Variants in BCL7A observed in about 807,000 individuals in gnomAD.
BCL7A encodes the protein BAF chromatin remodeling complex subunit BCL7A, also known as B-cell CLL/lymphoma 7 protein family member A.
Under a neutral mutation model 28.4 loss-of-function variants are expected in BCL7A, and 11 were observed. The observed-to-expected ratio is 0.39, with a 90% CI of 0.24 to 0.64. The LOEUF (loss-of-function observed/expected upper bound fraction) is 0.64. BCL7A is among the 30% of genes least tolerant of loss of function. The pLI is 0.50. For synonymous variants in BCL7A, 123 were observed against 103.3 expected, an observed-to-expected ratio of 1.19 and a Z score of -1.15; for missense variants, 222 against 274.8, an observed-to-expected ratio of 0.81 and a Z score of 1.36.
intron 1 of BCL7A, among the ~76,000 whole-genome samples, chr12:122,025,965 A>AT: frequency 6.7e-6 from 1 of 149,714 alleles, no homozygotes; most frequent in Non-Finnish European, 1.5e-5. Flanking sequence ...AAAAAAAAAA[A>AT]AAAGAAGAAA....
intron 1 of BCL7A, among the ~76,000 whole-genome samples, chr12:122,027,402 T>G (rs1883651141): frequency 6.6e-6 from 1 of 152,140 alleles, no homozygotes; most frequent in African/African-American, 2.4e-5. Context: ...GGCCCATGTG[T>G]GGTGGCTCAC....
At chr12:122,058,424 C>T (rs1306794746) in intron 5 of BCL7A, among the ~76,000 whole-genome samples, 4 of 150,790 alleles carry the variant, frequency 2.7e-5, no homozygotes, top group African/African-American at 9.8e-5. Context: ...TCTGGGAGGC[C>T]GAGGTGGGCA....
intron 3 of BCL7A, among the ~76,000 whole-genome samples, chr12:122,037,710 G>A (rs1228678632): frequency 6.6e-6 from 1 of 152,154 alleles, no homozygotes; most frequent in Non-Finnish European, 1.5e-5. Context: ...ACTTTGGGAG[G>A]CTGAGGTGGG....
chr12:122,036,460 T>A (rs1275694287), intron 3 of BCL7A, among the ~76,000 whole-genome samples: 1 of 152,132 alleles, frequency 6.6e-6, no homozygotes, highest in African/African-American at 2.4e-5. Flanking sequence ...ATCAACCAAA[T>A]CCAGATGGTG....
intron 4 of BCL7A, 88 bp from the exon 5 acceptor site, chr12:122,054,717 C>G: frequency 7.3e-7 from 1 of 1,363,844 alleles, no homozygotes; most frequent in Non-Finnish European, 1.0e-6. Context: ...CAAAACTACC[C>G]GATTCAAGGT....
At chr12:122,026,858 C>T (rs1277847832) in intron 1 of BCL7A, among the ~76,000 whole-genome samples, 2 of 151,452 alleles carry the variant, frequency 1.3e-5, no homozygotes, top group African/African-American at 4.9e-5. Context: ...GGAGAACATT[C>T]GAAATTGGCC....
In BCL7A at chr12:122,032,397, C is replaced by G. The variant is rs538224228; in HGVS notation, c.174+1616C>G. Among the ~76,000 whole-genome samples, 32 of 152,318 alleles carry G rather than the reference C, an allele frequency of 2.1e-4. 1 individual carries two copies. In the South Asian group the frequency reaches 6.6e-3, roughly 32 times the overall value. ...CTCCGGCCCATGTCTGTGCCTTGCC[C>G]GCCATTAGGTGTAGAAATGCTGGTT... On this transcript the variant is annotated intron_variant, in intron 2 of 5. Transcript: ENST00000261822.
In BCL7A at chr12:122,060,528, C is replaced by G. The variant is rs1256604255; in HGVS notation, c.*1365C>G. ...GGACGAACTGCCTAATCGTTTGGTT[C>G]TGAGGCCTGGTTTGCTCTTAATTAA... On this transcript the variant is annotated 3_prime_UTR_variant, in exon 6 of 6. Transcript: ENST00000261822. The G allele has an allele frequency of 4.3e-6, 1 of 230,506 alleles. No homozygotes were observed. Among genetic ancestry groups the G allele is most frequent in the African/African-American group, 2.2e-5 (1 of 45,144 alleles). 14.3% of individuals were successfully genotyped at this position (230,506 alleles called of 1,614,324 possible). A position where few individuals can be genotyped will look rare whatever the true frequency, so the allele number is the denominator to read the frequency against.
rs1373913787 is a variant in BCL7A at position 122,060,027 on chromosome 12, C to G, written c.*864C>G. 5 of 233,444 alleles carry G rather than the reference C, an allele frequency of 2.1e-5. No individual in the cohort carries two copies. The highest frequency in any genetic ancestry group is 4.4e-5 in the African/African-American group (2 of 45,314). The allele number at this position is 233,444 out of a possible 1,614,324, so 14.5% of individuals were successfully genotyped here. A position where few individuals can be genotyped will look rare whatever the true frequency, so the allele number is the denominator to read the frequency against. ...CACCACCCCCATCACTGCTTTCTCC[C>G]AGACCTCCGAATACGAAATGGCTTC... On this transcript the variant is annotated 3_prime_UTR_variant, in exon 6 of 6. Coordinates refer to ENST00000261822, the MANE Select transcript of BCL7A (RefSeq NM_001024808.3).
In BCL7A at chr12:122,054,945, CAGAG is replaced by C; in HGVS notation, c.561+20_561+23del. ...CTCTCAGGTACCTCGCTCGAGGTCTCAGAGGGGCAGCCAGATCGGCCGGGAGCCC... is the reference window on the plus strand; with the variant it reads ...CTCTCAGGTACCTCGCTCGAGGTCTCGGGCAGCCAGATCGGCCGGGAGCCC... On this transcript the variant is annotated intron_variant, in intron 5 of 5. Coordinates refer to ENST00000261822, the MANE Select transcript of BCL7A (RefSeq NM_001024808.3). 1 of 1,614,164 alleles carries C rather than the reference CAGAG, an allele frequency of 6.2e-7. No homozygotes were observed. Among genetic ancestry groups the C allele is most frequent in the Non-Finnish European group, 8.5e-7 (1 of 1,180,026 alleles).
At chr12:122,054,674 C>T in intron 4 of BCL7A, 131 bp from the exon 5 acceptor site, 1 of 878,766 alleles carries the variant, frequency 1.1e-6, no homozygotes, top group Middle Eastern at 2.7e-4. Flanking sequence ...TCCAGCCCCC[C>T]AGCTCATTGT....
intron 1 of BCL7A, among the ~76,000 whole-genome samples, chr12:122,026,175 G>A (rs1447955635): frequency 6.7e-6 from 1 of 150,134 alleles, no homozygotes; most frequent in African/African-American, 2.5e-5. Flanking sequence ...GATGAGGCAG[G>A]AGAATGGCAT....
At position 122,021,965 on chromosome 12, in the gene BCL7A, TGC is replaced by T. The variant is rs1405111675; in HGVS notation, c.-125_-124del. 10 of 645,396 alleles carry T rather than the reference TGC, an allele frequency of 1.5e-5. No individual in the cohort carries two copies. Among genetic ancestry groups the T allele is most frequent in the Non-Finnish European group, 2.4e-5 (9 of 368,544 alleles). 40.0% of individuals were successfully genotyped at this position (645,396 alleles called of 1,614,324 possible). ...GTGTGTGTGTGTGTGTGTGAGTGTGTGCGTGTGAGAGTGCGAGTGTCTGTGCG... is the reference window on the plus strand; with the variant it reads ...GTGTGTGTGTGTGTGTGTGAGTGTGTGTGTGAGAGTGCGAGTGTCTGTGCG... On this transcript the variant is annotated 5_prime_UTR_variant, in exon 1 of 6. Transcript: ENST00000261822.
chr12:122,024,241 T>C (rs1883558556), intron 1 of BCL7A, among the ~76,000 whole-genome samples: 2 of 152,316 alleles, frequency 1.3e-5, no homozygotes, highest in South Asian at 2.1e-4. Context: ...TGGTCCAGCT[T>C]CCAGTTCACT....
intron 3 of BCL7A, 68 bp downstream of exon 3, chr12:122,035,495 T>C (rs1883832661): frequency 7.0e-7 from 1 of 1,432,928 alleles, no homozygotes; most frequent in Admixed American, 1.8e-5. Flanking sequence ...TCGGTCATGT[T>C]TTTGTTTCTC....
intron 4 of BCL7A, among the ~76,000 whole-genome samples, chr12:122,044,876 C>G (rs1328748632): frequency 6.6e-6 from 1 of 151,968 alleles, no homozygotes; most frequent in Non-Finnish European, 1.5e-5. Context: ...ATCAGACAAC[C>G]TAGTATTAGG....
At chr12:122,048,021 AG>A (rs1884112227) in intron 4 of BCL7A, among the ~76,000 whole-genome samples, 1 of 148,122 alleles carries the variant, frequency 6.8e-6, no homozygotes, top group African/African-American at 2.5e-5. Context: ...CTCCTGCCTC[AG>A]CCTCCAGAGT....
intron 1 of BCL7A, among the ~76,000 whole-genome samples, chr12:122,023,390 G>A (rs1330566490): frequency 3.3e-5 from 5 of 152,164 alleles, no homozygotes; most frequent in Non-Finnish European, 5.9e-5. Context: ...GGATGTTTAC[G>A]TTTGGGGGTG....
At chr12:122,040,256 C>T (rs981765999) in intron 3 of BCL7A, among the ~76,000 whole-genome samples, 3 of 152,008 alleles carry the variant, frequency 2.0e-5, no homozygotes, top group African/African-American at 7.3e-5. Flanking sequence ...TGTGGCTGGC[C>T]GTGGTGGCTC....
Sources: allele counts gnomAD v4.1 joint callset (sites outside exome capture counted in the v4.1 genomes callset), GRCh38; gene constraint gnomAD v4.1.1; transcripts MANE v1.5; gene names NCBI Gene and HGNC (gene_info 2026-07-23, HGNC 2026-07-21).